HSDL2: variants seen among roughly 807,000 people sequenced by gnomAD.
The protein encoded by HSDL2 is hydroxysteroid dehydrogenase like 2, also known as hydroxysteroid dehydrogenase-like protein 2.
In HSDL2, 27 loss-of-function variants were observed where a neutral mutation model predicts 46.3. The observed-to-expected ratio is 0.58, with a 90% CI of 0.43 to 0.80. The LOEUF (loss-of-function observed/expected upper bound fraction) is 0.80. HSDL2 is among the 30% of genes least tolerant of loss of function. HSDL2 has a pLI of 0.00. For missense variants in HSDL2, 451 were observed against 502.7 expected, an observed-to-expected ratio of 0.90 and a Z score of 0.98; for synonymous variants, 153 against 163.6, an observed-to-expected ratio of 0.94 and a Z score of 0.50.
At chr9:112,413,418 G>A (rs191659053) in intron 4 of HSDL2, among the ~76,000 whole-genome samples, 13 of 151,874 alleles carry the variant, frequency 8.6e-5, no homozygotes, top group East Asian at 5.8e-4. Flanking sequence ...CAGAGGTTGC[G>A]GTGAACCAAG....
chr9:112,409,732 G>A (rs949179356), intron 4 of HSDL2, among the ~76,000 whole-genome samples: 7 of 151,894 alleles, frequency 4.6e-5, no homozygotes, highest in African/African-American at 1.7e-4. Context: ...CTGTGGTGGT[G>A]GTCTCATCTA....
chr9:112,408,729 AAAAC>A (rs1831791245), intron 3 of HSDL2, among the ~76,000 whole-genome samples, 174 bp from the exon 4 acceptor site: 1 of 152,238 alleles, frequency 6.6e-6, no homozygotes, highest in African/African-American at 2.4e-5. Flanking sequence ...ATAAAATAAA[AAAAC>A]AGTATTGTAA....
At chr9:112,400,584 T>G (rs10759559) in intron 1 of HSDL2, among the ~76,000 whole-genome samples, 65,644 of 151,728 alleles carry the variant, frequency 0.43, 14,435 homozygotes, top group South Asian at 0.5. Flanking sequence ...TCCATCCTGG[T>G]GACAGAGTGA....
chr9:112,388,990 A>G (rs1380082854), intron 1 of HSDL2, among the ~76,000 whole-genome samples: 4 of 152,032 alleles, frequency 2.6e-5, no homozygotes, highest in Non-Finnish European at 5.9e-5. Context: ...GTGAAAGTAG[A>G]TACATGAGAG....
Position 112,438,466 on chromosome 9 carries a change from C to G in HSDL2, c.634C>G (p.Pro212Ala). ...TGCTGCTATGGATATGCTGGGAGGA[C>G]CTGGTATCGAAAGCCAGTGTAGAAA... ...HTAAMDMLGG[P>A]GIESQCRKVD... The change falls in exon 7 of 11, where the codon CCT becomes GCT. Residue 212 changes from proline (P) to alanine (A), a missense_variant. Coordinates refer to ENST00000398805, the MANE Select transcript of HSDL2 (RefSeq NM_032303.5). 1 of 1,608,926 alleles carries G rather than the reference C, an allele frequency of 6.2e-7. No individual in the cohort carries two copies. Among genetic ancestry groups the G allele is most frequent in the African/African-American group, 1.3e-5 (1 of 74,768 alleles).
At chr9:112,402,245 T>C (rs1291116282) in intron 1 of HSDL2, among the ~76,000 whole-genome samples, 1 of 152,186 alleles carries the variant, frequency 6.6e-6, no homozygotes, top group Admixed American at 6.5e-5. Flanking sequence ...ACTAGGAAAT[T>C]ATTTTAGGTG....
At chr9:112,387,004 C>G (rs1182590440) in intron 1 of HSDL2, among the ~76,000 whole-genome samples, 2 of 152,112 alleles carry the variant, frequency 1.3e-5, no homozygotes, top group East Asian at 1.9e-4. Context: ...ATGTGAGGTC[C>G]TTATTGGATC....
chr9:112,449,080 GTTTT>G (rs59586435), intron 8 of HSDL2, among the ~76,000 whole-genome samples: 46 of 118,954 alleles, frequency 3.9e-4, no homozygotes, highest in African/African-American at 4.5e-4. Context: ...TCTTTCCTCT[GTTTT>G]TTTTTTTTTT....
At chr9:112,403,866 A>G in intron 1 of HSDL2, 129 bp from the exon 2 acceptor site, 1 of 847,490 alleles carries the variant, frequency 1.2e-6, no homozygotes, top group Non-Finnish European at 1.9e-6. Context: ...TCAGATGGGC[A>G]TGGGGAGGGT....
intron 1 of HSDL2, among the ~76,000 whole-genome samples, chr9:112,386,921 A>G (rs543902020): frequency 3.9e-5 from 6 of 152,350 alleles, no homozygotes; most frequent in African/African-American, 1.4e-4. Context: ...TCAGCAAATA[A>G]ATGGCATAAA....
At chr9:112,453,408 T>C (rs1017428650) in intron 8 of HSDL2, among the ~76,000 whole-genome samples, 45 of 152,332 alleles carry the variant, frequency 3.0e-4, no homozygotes, top group Middle Eastern at 3.4e-3. Flanking sequence ...TATTTATTTT[T>C]TTGAGACAGG....
chr9:112,461,812 G>A (rs1833217743), intron 10 of HSDL2, among the ~76,000 whole-genome samples: 1 of 152,228 alleles, frequency 6.6e-6, no homozygotes, highest in Non-Finnish European at 1.5e-5. Context: ...CTCCAAAGGT[G>A]AAGAAATCAA....
intron 9 of HSDL2, among the ~76,000 whole-genome samples, chr9:112,457,000 T>C (rs1171024403): frequency 3.3e-5 from 5 of 152,030 alleles, no homozygotes; most frequent in African/African-American, 1.2e-4. Context: ...ATATAAAAAT[T>C]AGCCGGGCTT....
chr9:112,452,936 G>A (rs1429199556), intron 8 of HSDL2, among the ~76,000 whole-genome samples: 1 of 152,076 alleles, frequency 6.6e-6, no homozygotes, highest in East Asian at 1.9e-4. Context: ...TTCCAGAGAG[G>A]GCAGCCTGTT....
intron 1 of HSDL2, among the ~76,000 whole-genome samples, chr9:112,399,046 G>A (rs972075393): frequency 6.3e-5 from 9 of 143,310 alleles, no homozygotes; most frequent in East Asian, 4.1e-4. Context: ...AAAAGGAATC[G>A]GGTTCCCACA....
intron 6 of HSDL2, among the ~76,000 whole-genome samples, chr9:112,432,233 A>G (rs1023869432): frequency 1.3e-5 from 2 of 152,148 alleles, no homozygotes; most frequent in African/African-American, 4.8e-5. Context: ...GGAGTGATCA[A>G]TTGTGTCAGA....
chr9:112,438,970 T>C (rs934425812), intron 7 of HSDL2, among the ~76,000 whole-genome samples: 1 of 152,174 alleles, frequency 6.6e-6, no homozygotes, highest in African/African-American at 2.4e-5. Flanking sequence ...TTCAAGAATA[T>C]GTGGTAACAG....
rs184794830 is a variant in HSDL2, at chr9:112,426,433, G to A, written c.598+7475G>A. Among the ~76,000 whole-genome samples, 186 of 152,040 alleles carry A rather than the reference G, an allele frequency of 1.2e-3. 1 individual carries two copies. The highest frequency in any genetic ancestry group is 3.9e-3 in the East Asian group (20 of 5,154). On this transcript the variant is annotated intron_variant, in intron 6 of 10. Transcript: ENST00000398805. Reference sequence around the variant, plus strand: ...GTATTTTTAGTAGAGACAGGGTTTCGCCATTTTGGCCAGGCTAGTCTCAAA... The same window carrying A: ...GTATTTTTAGTAGAGACAGGGTTTCACCATTTTGGCCAGGCTAGTCTCAAA...
intron 1 of HSDL2, among the ~76,000 whole-genome samples, chr9:112,395,291 C>T (rs1175741899): frequency 1.3e-5 from 2 of 152,284 alleles, no homozygotes; most frequent in East Asian, 1.9e-4. Context: ...GTCTCTGACG[C>T]GGACATCTCT....
Sources: gnomAD v4.1 joint callset for allele counts (sites outside exome capture counted in the v4.1 genomes callset) on GRCh38, gnomAD v4.1.1 for gene constraint, MANE v1.5 for transcripts, NCBI Gene and HGNC (gene_info 2026-07-23, HGNC 2026-07-21) for gene names.